The following PCNX1 variants were observed in gnomAD, a reference collection of about 807,000 sequenced individuals.
The protein encoded by PCNX1 is pecanex-like protein 1.
In PCNX1, 78 loss-of-function variants were observed where a neutral mutation model predicts 242.2. The ratio of observed to expected loss-of-function variants is 0.32; its 90% CI spans 0.27 to 0.39. PCNX1 has a LOEUF of 0.39. Among genes scored for constraint, PCNX1 ranks in the 10% least tolerant of loss-of-function variants. The pLI is 1.00. For missense variants in PCNX1, 2,581 were observed against 2,856.5 expected, an observed-to-expected ratio of 0.90 and a Z score of 2.20; for synonymous variants, 1,024 against 1,032.9, an observed-to-expected ratio of 0.99 and a Z score of 0.17.
At chr14:71,068,027 T>A (rs993191563) in intron 26 of PCNX1, among the ~76,000 whole-genome samples, 4 of 151,972 alleles carry the variant, frequency 2.6e-5, no homozygotes, top group Non-Finnish European at 4.4e-5. Flanking sequence ...AATACTGATA[T>A]CAAAATGTGA....
intron 8 of PCNX1, among the ~76,000 whole-genome samples, chr14:71,006,092 CGTGTGTGTGTCTGTGTGT>C (rs1354119344): frequency 3.0e-4 from 39 of 129,326 alleles, no homozygotes; most frequent in African/African-American, 6.3e-4. Flanking sequence ...CCAGCTAGTA[CGTGTGTGTGTCTGTGTGT>C]GTGTGTGTGT....
chr14:71,003,006 A>T (rs1433262595), intron 8 of PCNX1, among the ~76,000 whole-genome samples: 1 of 151,482 alleles, frequency 6.6e-6, no homozygotes, highest in Non-Finnish European at 1.5e-5. Flanking sequence ...TATTGGCCAC[A>T]TACATATATA....
At chr14:71,002,877 A>G (rs562324040) in intron 8 of PCNX1, among the ~76,000 whole-genome samples, 1 of 152,234 alleles carries the variant, frequency 6.6e-6, no homozygotes, top group African/African-American at 2.4e-5. Flanking sequence ...TTTCTTGCCA[A>G]CATTTGCTTT....
chr14:71,108,723 T>C lies in PCNX1; in HGVS notation c.6421T>C (p.Ser2141Pro). Residue 2141 changes from serine (S) to proline (P), a missense_variant, in exon 34 of 36, where the codon TCC becomes CCC. This residue lies in a region of PCNX1 where 432 missense variants were observed against 433.6 expected (regional missense o/e 1.00). Coordinates refer to ENST00000304743, the MANE Select transcript of PCNX1 (RefSeq NM_014982.3). ...YSSRHSSLRMSTTGFVPCRRS... is the reference protein window; with the variant it reads ...YSSRHSSLRMPTTGFVPCRRS... ...CAGCCGGCATTCATCCCTCCGGATG[T>C]CCACCACTGGGTTTGTGCCTTGTCG... The C allele has an allele frequency of 6.2e-7, 1 of 1,614,206 alleles. No individual in the cohort carries two copies. Among genetic ancestry groups the C allele is most frequent in the Non-Finnish European group, 8.5e-7 (1 of 1,180,030 alleles).
chr14:71,103,029 G>A (rs1440730417), intron 31 of PCNX1, among the ~76,000 whole-genome samples: 4 of 151,726 alleles, frequency 2.6e-5, no homozygotes, highest in African/African-American at 7.3e-5. Context: ...CACATTAATC[G>A]ACCCACAAAT....
In PCNX1 at chr14:71,114,503, G is replaced by A. The variant is rs1314591234; in HGVS notation, c.*4568G>A. On this transcript the variant is annotated 3_prime_UTR_variant, in exon 36 of 36. Transcript: ENST00000304743. The stretch of plus-strand genomic sequence containing the variant: ...TTATGTATAACAATTTATCTTTATT[G>A]CCTACATACAACATACTTTTTCTGA... 2.6e-5 allele frequency: 4 copies of A among 152,458 alleles called. No individual in the cohort carries two copies. Among genetic ancestry groups the A allele is most frequent in the African/African-American group, 9.7e-5 (4 of 41,412 alleles). The allele number at this position is 152,458 out of a possible 1,614,324, so 9.4% of individuals were successfully genotyped here. A position where few individuals can be genotyped will look rare whatever the true frequency, so the allele number is the denominator to read the frequency against.
At chr14:70,910,876 C>T (rs185058082) in intron 1 of PCNX1, among the ~76,000 whole-genome samples, 2 of 152,180 alleles carry the variant, frequency 1.3e-5, no homozygotes, top group African/African-American at 2.4e-5. Flanking sequence ...AAAATCTAGC[C>T]TGGGGGTAAT....
At chr14:70,973,508 G>A (rs969845051) in intron 5 of PCNX1, among the ~76,000 whole-genome samples, 5 of 151,920 alleles carry the variant, frequency 3.3e-5, no homozygotes, top group African/African-American at 4.8e-5. Context: ...TGATAAGCAC[G>A]GTCTTAGGGG....
intron 19 of PCNX1, among the ~76,000 whole-genome samples, chr14:71,043,720 A>C (rs2141075990): frequency 6.6e-6 from 1 of 152,230 alleles, no homozygotes; most frequent in East Asian, 1.9e-4. Context: ...CATTTAGGTC[A>C]TGAATTGTTT....
chr14:71,029,632 G>C (rs1476764985), intron 16 of PCNX1, among the ~76,000 whole-genome samples: 1 of 152,152 alleles, frequency 6.6e-6, no homozygotes, highest in Non-Finnish European at 1.5e-5. Context: ...TCTGCCAAAA[G>C]GGATTAAAGA....
Position 71,076,547 on chromosome 14 carries a change from C to A in PCNX1, c.5337+128C>A. Reference sequence around the variant, plus strand: ...CTTTCTGATCTTCTGGTTAAGATAACCTAACTGGTTCATTATGGTTGGGCC... The same window carrying A: ...CTTTCTGATCTTCTGGTTAAGATAAACTAACTGGTTCATTATGGTTGGGCC... On this transcript the variant is annotated intron_variant, in intron 28 of 35. Transcript: ENST00000304743. 2 of 651,892 alleles carry A rather than the reference C, an allele frequency of 3.1e-6. 1 individual carries two copies. Among genetic ancestry groups the A allele is most frequent in the South Asian group, 3.8e-5 (2 of 52,582 alleles). 40.4% of individuals were successfully genotyped at this position (651,892 alleles called of 1,614,324 possible).
At chr14:70,975,261 A>G (rs1240659652) in intron 5 of PCNX1, among the ~76,000 whole-genome samples, 2 of 152,184 alleles carry the variant, frequency 1.3e-5, no homozygotes, top group South Asian at 2.1e-4. Context: ...AAAACGTACA[A>G]TGCTAGCTTT....
chr14:71,094,994 A>G (rs900077252), intron 30 of PCNX1, among the ~76,000 whole-genome samples: 2 of 152,202 alleles, frequency 1.3e-5, no homozygotes, highest in African/African-American at 4.8e-5. Flanking sequence ...ATATTGTCCT[A>G]CATGTACACA....
chr14:70,961,780 T>C lies in PCNX1; in HGVS notation c.363-446T>C, dbSNP rs1456475015. On this transcript the variant is annotated intron_variant, in intron 2 of 35. Coordinates refer to ENST00000304743, the MANE Select transcript of PCNX1 (RefSeq NM_014982.3). ...CTCTTGTGTGTTCATCACTGTATCA[T>C]GCGGCTCATTGAGACTGATCTCGAG... Among the ~76,000 whole-genome samples, 7 of 152,208 alleles carry C rather than the reference T, an allele frequency of 4.6e-5. No individual in the cohort carries two copies. The South Asian group carries it at 1.4e-3, about 31-fold the overall frequency.
intron 30 of PCNX1, among the ~76,000 whole-genome samples, chr14:71,101,514 A>G (rs1057473120): frequency 6.6e-6 from 1 of 152,190 alleles, no homozygotes; most frequent in Non-Finnish European, 1.5e-5. Context: ...TTTGAGCTGT[A>G]TCTTAACTAG....
intron 26 of PCNX1, among the ~76,000 whole-genome samples, chr14:71,064,117 A>G (rs1329158076): frequency 1.3e-5 from 2 of 152,112 alleles, no homozygotes; most frequent in African/African-American, 4.8e-5. Flanking sequence ...TATCAGTAAT[A>G]TTCACTATGA....
chr14:70,977,190 C>T lies in PCNX1; in HGVS notation c.853C>T (p.Arg285Trp), dbSNP rs1243081629. The T allele has an allele frequency of 9.3e-6, 15 of 1,614,098 alleles. No homozygotes were observed. Among genetic ancestry groups the T allele is most frequent in the East Asian group, 2.2e-5 (1 of 44,904 alleles). ...AGACCACCGGCCGCGAGGTGTACCA[C>T]GGACTTCTAGCTCTGCTGTGGCTTT... is the stretch of plus-strand genomic sequence containing the variant. ...RKDHRPRGVP[R>W]TSSSAVAFPD... The change falls in exon 6 of 36, where the codon CGG (arginine) becomes TGG (tryptophan). Residue 285 changes from arginine (R) to tryptophan (W), a missense_variant. By Grantham distance (101) the Arg-to-Trp change is moderately radical (BLOSUM62 -3). Coordinates refer to ENST00000304743, the MANE Select transcript of PCNX1 (RefSeq NM_014982.3).
At chr14:71,053,411 A>G (rs1455173829) in intron 24 of PCNX1, 1 of 389,202 alleles carries the variant, frequency 2.6e-6, no homozygotes, top group Admixed American at 3.2e-5. Flanking sequence ...TCCGCCTCCC[A>G]GGTTCAAGCA....
chr14:71,046,777 T>A (rs1423461113), intron 20 of PCNX1, among the ~76,000 whole-genome samples, 187 bp from the exon 21 acceptor site: 1 of 152,122 alleles, frequency 6.6e-6, no homozygotes, highest in Non-Finnish European at 1.5e-5. Context: ...TGTTAAATCA[T>A]GTCTAAGTTG....
Sources: allele counts gnomAD v4.1 joint callset (sites outside exome capture counted in the v4.1 genomes callset), GRCh38; gene constraint gnomAD v4.1.1; regional missense constraint gnomAD v4.1.1; transcripts MANE v1.5; gene names NCBI Gene and HGNC (gene_info 2026-07-23, HGNC 2026-07-21).